STPG1: variants seen among roughly 807,000 people sequenced by gnomAD.
STPG1 encodes sperm tail PG-rich repeat containing 1.
In STPG1, 33 loss-of-function variants were observed where a neutral mutation model predicts 40.1. The observed-to-expected ratio is 0.82, with a 90% confidence interval of 0.62 to 1.10. The LOEUF (loss-of-function observed/expected upper bound fraction) is 1.10. STPG1 is among the 50% of genes least tolerant of loss of function. The pLI is 0.00. For missense variants in STPG1, 396 were observed against 415.1 expected (o/e 0.95, Z 0.40); for synonymous variants, 150 against 155.0 (o/e 0.97, Z 0.24).
chr1:24,378,406 C>G (rs1320303690), intron 5 of STPG1, among the ~76,000 whole-genome samples: 3 of 152,156 alleles, frequency 2.0e-5, no homozygotes, highest in Non-Finnish European at 4.4e-5. Context: ...GAGGCCGAGG[C>G]AGGTGGATCA....
chr1:24,405,872 T>C (rs72880684), intron 1 of STPG1, among the ~76,000 whole-genome samples: 8,636 of 152,228 alleles, frequency 0.057, 784 homozygotes, highest in African/African-American at 0.19. Context: ...TAGCACACTA[T>C]ATTTTTTCTA....
chr1:24,383,034 C>A (rs1321872072), intron 4 of STPG1, among the ~76,000 whole-genome samples: 2 of 151,478 alleles, frequency 1.3e-5, no homozygotes, highest in African/African-American at 4.9e-5. Context: ...ACCTCAGCCT[C>A]CCGAGTAGCT....
intron 1 of STPG1, among the ~76,000 whole-genome samples, chr1:24,406,314 A>C (rs778293180): frequency 1.3e-5 from 2 of 152,154 alleles, no homozygotes; most frequent in Non-Finnish European, 2.9e-5. Flanking sequence ...ACAAAAATAC[A>C]CTTCCATTTC....
intron 1 of STPG1, among the ~76,000 whole-genome samples, chr1:24,404,821 T>G (rs1216287908): frequency 1.3e-5 from 2 of 152,218 alleles, no homozygotes. Context: ...GGTTTACCAA[T>G]GTATTGATTT....
rs1244789602 is a variant in STPG1, at chr1:24,364,140, C to T, written c.738-3099G>A. On this transcript the variant is annotated intron_variant, in intron 7 of 8. Coordinates refer to ENST00000337248, the MANE Select transcript of STPG1 (RefSeq NM_001199013.2). ...CCTTCTGTGAGAAACACCAACTTTC[C>T]CTGCAAACTCGAATTCAATTCTTGA... The T allele has an allele frequency of 1.7e-5, 25 of 1,469,908 alleles. No individual in the cohort carries two copies. In the Admixed American group the frequency reaches 3.7e-4, roughly 22 times the overall value. The allele number at this position is 1,469,908 out of a possible 1,614,324, so 91.1% of individuals were successfully genotyped here.
chr1:24,405,024 C>A (rs991950046), intron 1 of STPG1, among the ~76,000 whole-genome samples: 4 of 152,232 alleles, frequency 2.6e-5, no homozygotes, highest in African/African-American at 9.7e-5. Context: ...GTGGCACAAT[C>A]TCAGCTCACT....
chr1:24,379,423 G>A (rs1642178313), intron 5 of STPG1: 2 of 529,944 alleles, frequency 3.8e-6, no homozygotes, highest in Admixed American at 3.3e-5. Context: ...TCAGGGCAGT[G>A]GCCTCCCCAC....
chr1:24,401,091 G>A (rs1162069217), intron 2 of STPG1: 1 of 441,888 alleles, frequency 2.3e-6, no homozygotes, highest in African/African-American at 2.0e-5. Context: ...TTGTTTATTA[G>A]TTTTTTATTT....
intron 2 of STPG1, among the ~76,000 whole-genome samples, chr1:24,392,593 G>C (rs557285705): frequency 6.6e-6 from 1 of 152,180 alleles, no homozygotes; most frequent in Non-Finnish European, 1.5e-5. Context: ...CCCCAAGCCA[G>C]GCTCCTTTCC....
chr1:24,391,938 C>T, intron 2 of STPG1: 1 of 1,155,524 alleles, frequency 8.7e-7, no homozygotes, highest in Non-Finnish European at 1.1e-6. Flanking sequence ...AACAGGCTGT[C>T]CCGGAGAAAA....
chr1:24,406,473 G>A (rs1013584965), intron 1 of STPG1, among the ~76,000 whole-genome samples: 3 of 151,978 alleles, frequency 2.0e-5, no homozygotes, highest in African/African-American at 7.2e-5. Context: ...TCAATTCTTT[G>A]TGTAAATTCA....
intron 2 of STPG1, among the ~76,000 whole-genome samples, chr1:24,400,138 G>T (rs1321694413): frequency 6.6e-6 from 1 of 152,186 alleles, no homozygotes; most frequent in Non-Finnish European, 1.5e-5. Flanking sequence ...TCCTTCAGTA[G>T]TAGAATAGAT....
chr1:24,369,975 G>C, intron 6 of STPG1, 136 bp from the exon 7 acceptor site: 1 of 630,206 alleles, frequency 1.6e-6, no homozygotes, highest in Non-Finnish European at 2.6e-6. Flanking sequence ...AGGGCTGACT[G>C]AGATAGCCAA....
rs557896595 is a variant in STPG1 at position 24,391,793 on chromosome 1, T to C, written c.71-114A>G. On this transcript the variant is annotated intron_variant, in intron 2 of 8. Transcript: ENST00000337248. Reference sequence around the variant, plus strand: ...ATTTTAAATGGTAGAGAAGAGAAACTTGCCTTTTGACAGGAAACAGACACG... The same window carrying C: ...ATTTTAAATGGTAGAGAAGAGAAACCTGCCTTTTGACAGGAAACAGACACG... 1.4e-4 allele frequency: 167 copies of C among 1,192,328 alleles called. 3 individuals carry two copies. In the South Asian group the frequency reaches 3.1e-3, roughly 22 times the overall value. The allele number at this position is 1,192,328 out of a possible 1,614,324, so 73.9% of individuals were successfully genotyped here.
intron 5 of STPG1, among the ~76,000 whole-genome samples, chr1:24,375,782 T>C (rs989152410): frequency 6.6e-6 from 1 of 152,152 alleles, no homozygotes; most frequent in Non-Finnish European, 1.5e-5. Flanking sequence ...GCTTTATTTT[T>C]CACCCAGACA....
At chr1:24,395,377 GTAAATA>G (rs1642951128) in intron 2 of STPG1, among the ~76,000 whole-genome samples, 1 of 149,544 alleles carries the variant, frequency 6.7e-6, no homozygotes, top group Admixed American at 6.6e-5. Flanking sequence ...TCTGGAAATA[GTAAATA>G]TGTGGGTAAA....
At chr1:24,393,125 G>A (rs1642850853) in intron 2 of STPG1, among the ~76,000 whole-genome samples, 1 of 152,188 alleles carries the variant, frequency 6.6e-6, no homozygotes, top group Non-Finnish European at 1.5e-5. Flanking sequence ...AACAGGTAGG[G>A]TGTGAACATG....
rs1304596057 is a variant in STPG1 at position 24,373,393 on chromosome 1, C to T, written c.571+309G>A. ...GGCCCCTAATGGCAGCTGGGGTATACGAATGTGCACATTTCTGAGGTGAGA... is the reference window on the plus strand; with the variant it reads ...GGCCCCTAATGGCAGCTGGGGTATATGAATGTGCACATTTCTGAGGTGAGA... On this transcript the variant is annotated intron_variant, in intron 6 of 8. Coordinates refer to ENST00000337248, the MANE Select transcript of STPG1 (RefSeq NM_001199013.2). Among the ~76,000 whole-genome samples the T allele has an allele frequency of 3.3e-5, 5 of 152,272 alleles. No homozygotes were observed. The South Asian group carries it at 6.2e-4, about 19-fold the overall frequency.
In STPG1 at chr1:24,357,915, T is replaced by G; in HGVS notation, c.*628A>C. ...CGGCCACTGCCATTCCAAGATGATC[T>G]CCCACTCCAAAGAGAAAAAGGTCTA... On this transcript the variant is annotated 3_prime_UTR_variant, in exon 9 of 9. Coordinates refer to ENST00000337248, the MANE Select transcript of STPG1 (RefSeq NM_001199013.2). The G allele has an allele frequency of 3.1e-6, 1 of 324,518 alleles. No homozygotes were observed. The highest frequency in any genetic ancestry group is 6.1e-6 in the Non-Finnish European group (1 of 163,696). 20.1% of individuals were successfully genotyped at this position (324,518 alleles called of 1,614,324 possible). A position where few individuals can be genotyped will look rare whatever the true frequency, so the allele number is the denominator to read the frequency against.
Sources: gnomAD v4.1 joint callset for allele counts (sites outside exome capture counted in the v4.1 genomes callset) on GRCh38, gnomAD v4.1.1 for gene constraint, MANE v1.5 for transcripts, NCBI Gene and HGNC (gene_info 2026-07-23, HGNC 2026-07-21) for gene names.